Variants in CHLSN observed in about 807,000 individuals in gnomAD.
CHLSN encodes protein cholesin.
At chr7:1,075,125 C>T in the CHLSN span, among the ~76,000 whole-genome samples, 1 of 152,202 alleles carries the variant, frequency 6.6e-6, no homozygotes, top group Non-Finnish European at 1.5e-5. Flanking sequence ...CACAACCCGT[C>T]CTCTGGCCTC....
At chr7:1,015,792 G>A in the CHLSN span, among the ~76,000 whole-genome samples, 14 of 152,222 alleles carry the variant, frequency 9.2e-5, no homozygotes, top group African/African-American at 3.4e-4. Context: ...CCCAGCCCGG[G>A]CTTCCTCGGT....
At chr7:1,063,454 C>T in the CHLSN span, among the ~76,000 whole-genome samples, 5 of 152,202 alleles carry the variant, frequency 3.3e-5, no homozygotes, top group Non-Finnish European at 4.4e-5. Flanking sequence ...CCGTGTCCTA[C>T]GGGTTCCAGG....
At chr7:1,021,813 G>C in the CHLSN span, among the ~76,000 whole-genome samples, 2 of 152,262 alleles carry the variant, frequency 1.3e-5, no homozygotes, top group Non-Finnish European at 2.9e-5. Flanking sequence ...AGCGAGAACT[G>C]TGCCTGGCAC....
At chr7:1,001,028 G>A in the CHLSN span, among the ~76,000 whole-genome samples, 2 of 152,240 alleles carry the variant, frequency 1.3e-5, no homozygotes, top group Non-Finnish European at 2.9e-5. Flanking sequence ...GGCTGCTAGA[G>A]GGGCCGCTCC....
the CHLSN span, chr7:988,204 T>C: frequency 6.7e-7 from 1 of 1,487,004 alleles, no homozygotes. Flanking sequence ...CATCCTGGAA[T>C]GAAACTTCCC....
chr7:1,057,080 C>G, the CHLSN span, among the ~76,000 whole-genome samples: 5 of 152,108 alleles, frequency 3.3e-5, no homozygotes, highest in Non-Finnish European at 7.4e-5. Flanking sequence ...CAGGGCTGAC[C>G]GTCCACATTG....
At chr7:1,042,121 A>G in the CHLSN span, among the ~76,000 whole-genome samples, 2 of 151,880 alleles carry the variant, frequency 1.3e-5, no homozygotes, top group African/African-American at 4.8e-5. Context: ...GGGGCTGCAG[A>G]ATCAGGTGCA....
At chr7:1,137,711 G>A in the CHLSN span, 1 of 152,262 alleles carries the variant, frequency 6.6e-6, no homozygotes, top group African/African-American at 2.4e-5. Flanking sequence ...GGGAGGATGA[G>A]GCGGGAGGAC....
chr7:1,060,733 T>C, the CHLSN span, among the ~76,000 whole-genome samples: 4 of 152,222 alleles, frequency 2.6e-5, no homozygotes, highest in African/African-American at 7.2e-5. Flanking sequence ...CTGTCAGTGT[T>C]TGGTTTTCAG....
chr7:1,089,982 G>T, the CHLSN span, among the ~76,000 whole-genome samples: 3 of 151,732 alleles, frequency 2.0e-5, no homozygotes, highest in Non-Finnish European at 4.4e-5. Context: ...TACTCAGGAG[G>T]CTGAGGCAGG....
At chr7:1,102,798 G>T in the CHLSN span, among the ~76,000 whole-genome samples, 1 of 152,202 alleles carries the variant, frequency 6.6e-6, no homozygotes. Flanking sequence ...AGTTGCACAC[G>T]GGCAAGAAAG....
the CHLSN span, among the ~76,000 whole-genome samples, chr7:1,126,359 CA>C: frequency 2.1e-3 from 85 of 40,514 alleles, no homozygotes; most frequent in East Asian, 6.4e-3. Flanking sequence ...GACTCTGTCT[CA>C]AAAAAAAAAA....
At chr7:1,130,960 G>T in the CHLSN span, among the ~76,000 whole-genome samples, 1 of 152,212 alleles carries the variant, frequency 6.6e-6, no homozygotes, top group Non-Finnish European at 1.5e-5. Flanking sequence ...GGCTGAGGTG[G>T]GCAGACTGCT....
At chr7:1,124,046 C>A in the CHLSN span, among the ~76,000 whole-genome samples, 6 of 152,248 alleles carry the variant, frequency 3.9e-5, no homozygotes, top group African/African-American at 1.4e-4. Context: ...CCGGCAGCTG[C>A]GTGTTACAGA....
At chr7:1,047,500 ACAG>A in the CHLSN span, among the ~76,000 whole-genome samples, 1 of 152,242 alleles carries the variant, frequency 6.6e-6, no homozygotes, top group Non-Finnish European at 1.5e-5. Flanking sequence ...CCCTGTGAAA[ACAG>A]CAGCCTTTCC....
chr7:1,116,385 G>A, the CHLSN span, among the ~76,000 whole-genome samples: 67,889 of 127,656 alleles, frequency 0.53, 18,565 homozygotes, highest in African/African-American at 0.65. Flanking sequence ...TTCCATCACC[G>A]ACGCCCACGC....
the CHLSN span, chr7:1,000,701 G>A: frequency 3.1e-6 from 2 of 640,918 alleles, no homozygotes; most frequent in Non-Finnish European, 5.3e-6. Flanking sequence ...GGTTTTTGGA[G>A]CCCCTCCCCT....
chr7:990,431 G>A, the CHLSN span, among the ~76,000 whole-genome samples: 3,876 of 150,328 alleles, frequency 0.026, 191 homozygotes, highest in African/African-American at 0.079. Flanking sequence ...CCTGGCCCCC[G>A]TCCCAGCGCT....
chr7:1,038,261 G>A, the CHLSN span, among the ~76,000 whole-genome samples: 5 of 95,028 alleles, frequency 5.3e-5, 1 homozygote, highest in Admixed American at 9.8e-5. Flanking sequence ...AGGTGGGGGG[G>A]TCAGCCCCCC....
Sources: gnomAD v4.1 joint callset for allele counts (sites outside exome capture counted in the v4.1 genomes callset) on GRCh38, gnomAD v4.1.1 for gene constraint, MANE v1.5 for transcripts, NCBI Gene and HGNC (gene_info 2026-07-23, HGNC 2026-07-21) for gene names.